CSMD1: variants seen among roughly 807,000 people sequenced by gnomAD.
CSMD1 encodes CUB and sushi domain-containing protein 1.
A neutral mutation model predicts 417.5 loss-of-function variants in CSMD1; 213 were observed. The ratio of observed to expected loss-of-function variants is 0.51; its 90% confidence interval spans 0.46 to 0.57. CSMD1 has a LOEUF of 0.57. CSMD1 is among the 20% of genes least tolerant of loss of function. The pLI, the probability that CSMD1 is intolerant of heterozygous loss-of-function variation, is 0.00. For synonymous variants in CSMD1, 2,862 were observed against 1,736.8 expected, an observed-to-expected ratio of 1.65 and a Z score of -16.11; for missense variants, 6,923 against 4,529.7, an observed-to-expected ratio of 1.53 and a Z score of -15.17.
chr8:4,038,979 T>G (rs1030757255), intron 3 of CSMD1, among the ~76,000 whole-genome samples: 1 of 152,214 alleles, frequency 6.6e-6, no homozygotes, highest in African/African-American at 2.4e-5. Flanking sequence ...CATCAAACCT[T>G]TAACCCAGCT....
chr8:3,650,847 C>A (rs1797819811), intron 7 of CSMD1, among the ~76,000 whole-genome samples: 1 of 152,302 alleles, frequency 6.6e-6, no homozygotes, highest in South Asian at 2.1e-4. Context: ...ATCCTGACAT[C>A]TCCCCTGTAT....
chr8:4,140,708 G>A (rs1428259024), intron 3 of CSMD1, among the ~76,000 whole-genome samples: 1 of 150,804 alleles, frequency 6.6e-6, no homozygotes, highest in South Asian at 2.1e-4. Flanking sequence ...CCCATGGATG[G>A]TGTTCTGGAC....
rs181689667 is a variant in CSMD1, at chr8:2,996,809, T to C, written c.8377+1202A>G. ...TGCACATCAGATATTTCCCATGTAA[T>C]TATTAAAGGAAAAAACAAACACAAA... On this transcript the variant is annotated intron_variant, in intron 54 of 69. Transcript: ENST00000635120. Among the ~76,000 whole-genome samples the C allele has an allele frequency of 7.1e-3, 1,075 of 152,302 alleles. 11 individuals carry two copies. The highest frequency in any genetic ancestry group is 0.025 in the African/African-American group (1,030 of 41,548).
intron 7 of CSMD1, among the ~76,000 whole-genome samples, chr8:3,671,925 T>C (rs1208030742): frequency 2.0e-5 from 3 of 152,270 alleles, no homozygotes; most frequent in Middle Eastern, 3.4e-3. Context: ...GTTAGCCTGC[T>C]GGTCATTTTT....
At chr8:4,561,408 C>A (rs1041153992) in intron 2 of CSMD1, among the ~76,000 whole-genome samples, 1 of 152,136 alleles carries the variant, frequency 6.6e-6, no homozygotes, top group African/African-American at 2.4e-5. Flanking sequence ...TCTGGCCAGG[C>A]ACAGTGGCTC....
chr8:4,310,601 G>A (rs938513875), intron 3 of CSMD1, among the ~76,000 whole-genome samples: 2 of 152,238 alleles, frequency 1.3e-5, no homozygotes, highest in African/African-American at 2.4e-5. Context: ...TCTCGATGAT[G>A]TTAAATCAAC....
intron 1 of CSMD1, among the ~76,000 whole-genome samples, chr8:4,889,756 T>C (rs988331629): frequency 2.6e-5 from 4 of 152,232 alleles, no homozygotes; most frequent in African/African-American, 9.6e-5. Flanking sequence ...ACACATTATA[T>C]TTTATGTATT....
chr8:4,210,598 G>A (rs186577256), intron 3 of CSMD1, among the ~76,000 whole-genome samples: 48 of 152,078 alleles, frequency 3.2e-4, no homozygotes, highest in African/African-American at 9.9e-4. Context: ...AATGTTTAGA[G>A]CAAAACAATA....
intron 2 of CSMD1, among the ~76,000 whole-genome samples, chr8:4,594,749 A>G (rs148724549): frequency 5.9e-5 from 9 of 152,290 alleles, no homozygotes; most frequent in Admixed American, 1.3e-4. Context: ...TCACATGGCT[A>G]TCTTTCCTCC....
At chr8:4,002,591 C>G (rs1478503914) in intron 4 of CSMD1, among the ~76,000 whole-genome samples, 1 of 152,152 alleles carries the variant, frequency 6.6e-6, no homozygotes, top group Non-Finnish European at 1.5e-5. Context: ...TACTTGTGAA[C>G]TTATCTTCCA....
At chr8:4,605,421 T>C (rs370304485) in intron 2 of CSMD1, among the ~76,000 whole-genome samples, 3 of 152,184 alleles carry the variant, frequency 2.0e-5, no homozygotes, top group Admixed American at 1.3e-4. Flanking sequence ...ACTCTGAACA[T>C]AGAATGAGAC....
At chr8:3,970,226 G>A (rs1195195160) in intron 5 of CSMD1, among the ~76,000 whole-genome samples, 2 of 152,138 alleles carry the variant, frequency 1.3e-5, no homozygotes, top group Non-Finnish European at 2.9e-5. Context: ...ATGCCCAGAA[G>A]CACCTCCCAA....
intron 3 of CSMD1, among the ~76,000 whole-genome samples, chr8:4,143,646 A>G (rs182876373): frequency 1.3e-5 from 2 of 151,220 alleles, no homozygotes; most frequent in East Asian, 3.9e-4. Context: ...GAAGGAGAGC[A>G]TTGACTGTGA....
rs547694408 is a variant in CSMD1 at position 3,788,370 on chromosome 8, C to G, written c.819-34328G>C. ...GGTGTGCAGCCCATGCCTCCCTGTGCCCACAGCAGCCTTCATTGGTCACAG... is the reference window on the plus strand; with the variant it reads ...GGTGTGCAGCCCATGCCTCCCTGTGGCCACAGCAGCCTTCATTGGTCACAG... On this transcript the variant is annotated intron_variant, in intron 5 of 69. Coordinates refer to ENST00000635120, the MANE Select transcript of CSMD1 (RefSeq NM_033225.6). Among the ~76,000 whole-genome samples, 7 of 152,252 alleles carry G rather than the reference C, an allele frequency of 4.6e-5. No individual in the cohort carries two copies. In the South Asian group the frequency reaches 8.3e-4, roughly 18 times the overall value.
intron 1 of CSMD1, among the ~76,000 whole-genome samples, chr8:4,677,693 T>C (rs1306220088): frequency 1.3e-5 from 2 of 152,268 alleles, no homozygotes; most frequent in East Asian, 3.9e-4. Context: ...CTACTTTGAC[T>C]CACCGTTAGA....
chr8:4,931,848 G>A (rs1236861724), intron 1 of CSMD1, among the ~76,000 whole-genome samples: 1 of 152,138 alleles, frequency 6.6e-6, no homozygotes, highest in Non-Finnish European at 1.5e-5. Flanking sequence ...TATATTTTTA[G>A]GGGATTTTCA....
chr8:4,084,133 G>T (rs1370890941), intron 3 of CSMD1, among the ~76,000 whole-genome samples: 1 of 152,060 alleles, frequency 6.6e-6, no homozygotes, highest in African/African-American at 2.4e-5. Flanking sequence ...CTGCTCTTAT[G>T]ACTAAATTAT....
In CSMD1 at chr8:3,985,033, T is replaced by A. The variant is rs538114800; in HGVS notation, c.818+12870A>T. Among the ~76,000 whole-genome samples the A allele has an allele frequency of 7.9e-5, 12 of 152,214 alleles. 1 individual carries two copies. The South Asian group carries it at 2.5e-3, about 32-fold the overall frequency. On this transcript the variant is annotated intron_variant, in intron 5 of 69. Transcript: ENST00000635120. ...ATCTCATAAGGTGGCTCTGACCACA[T>A]TTTGATTACTGTGCTCATGTTCTTA...
intron 12 of CSMD1, among the ~76,000 whole-genome samples, chr8:3,460,570 G>A (rs1388117090): frequency 9.2e-5 from 14 of 152,228 alleles, no homozygotes; most frequent in Non-Finnish European, 1.5e-4. Context: ...AGGCCGCCTA[G>A]AGGGGACACT....
Sources: gnomAD v4.1 joint callset for allele counts (sites outside exome capture counted in the v4.1 genomes callset) on GRCh38, gnomAD v4.1.1 for gene constraint, MANE v1.5 for transcripts, NCBI Gene and HGNC (gene_info 2026-07-23, HGNC 2026-07-21) for gene names.